The following ANKRD12 variants were observed in gnomAD, a reference collection of about 807,000 sequenced individuals.
The protein encoded by ANKRD12 is ankyrin repeat domain 12, also known as ankyrin repeat domain-containing protein 12.
In ANKRD12, 85 loss-of-function variants were observed where a neutral mutation model predicts 183.4. That is an observed-to-expected ratio of 0.46 (90% CI 0.39 to 0.56). ANKRD12 has a LOEUF of 0.56. Ranked by LOEUF, ANKRD12 falls within the 20% of genes least tolerant of loss-of-function variation. The pLI, the probability that ANKRD12 is intolerant of heterozygous loss-of-function variation, is 0.00. For synonymous variants in ANKRD12, 914 were observed against 800.2 expected (o/e 1.14, Z -2.40); for missense variants, 2,405 against 2,357.1 (o/e 1.02, Z -0.42).
At chr18:9,201,871 A>G (rs1464596574) in intron 3 of ANKRD12, among the ~76,000 whole-genome samples, 1 of 150,166 alleles carries the variant, frequency 6.7e-6, no homozygotes, top group Non-Finnish European at 1.5e-5. Flanking sequence ...TCTTTCACCC[A>G]GGCTGGAGTG....
intron 10 of ANKRD12, among the ~76,000 whole-genome samples, chr18:9,265,168 C>T (rs1400786245): frequency 6.6e-6 from 1 of 152,258 alleles, no homozygotes; most frequent in East Asian, 1.9e-4. Flanking sequence ...TCAAGGAGGC[C>T]TGCCTGCCTC....
intron 7 of ANKRD12, among the ~76,000 whole-genome samples, chr18:9,218,865 T>A (rs536291278): frequency 6.6e-6 from 1 of 152,078 alleles, no homozygotes; most frequent in South Asian, 2.1e-4. Flanking sequence ...GACCCTGTGT[T>A]GTTCAGGCTG....
At chr18:9,198,912 A>G (rs532137105) in intron 3 of ANKRD12, among the ~76,000 whole-genome samples, 6 of 152,280 alleles carry the variant, frequency 3.9e-5, no homozygotes, top group African/African-American at 1.4e-4. Context: ...TATAATAGCA[A>G]AAAAATCAGG....
Position 9,189,676 on chromosome 18 carries a change from G to A in ANKRD12, c.88-5875G>A, listed in dbSNP as rs1384048567. Among the ~76,000 whole-genome samples the A allele has an allele frequency of 2.0e-5, 3 of 152,158 alleles. No individual in the cohort carries two copies. In the East Asian group the frequency reaches 5.8e-4, roughly 29 times the overall value. ...ATAAGAATTACGTGAAATTTACTCT[G>A]CCTGTACCTTATCAATGGAAAAACA... On this transcript the variant is annotated intron_variant, in intron 2 of 12. Coordinates refer to ENST00000262126, the MANE Select transcript of ANKRD12 (RefSeq NM_015208.5).
chr18:9,206,329 GTAT>G (rs1327038657), intron 4 of ANKRD12, among the ~76,000 whole-genome samples: 1 of 151,994 alleles, frequency 6.6e-6, no homozygotes, highest in Non-Finnish European at 1.5e-5. Context: ...AACTTTTTAA[GTAT>G]TATTTAATCA....
chr18:9,265,233 T>C (rs926447634), intron 10 of ANKRD12, among the ~76,000 whole-genome samples: 3 of 152,242 alleles, frequency 2.0e-5, no homozygotes, highest in African/African-American at 7.2e-5. Context: ...AGCAGAATTC[T>C]CTGCAGACTT....
intron 10 of ANKRD12, among the ~76,000 whole-genome samples, chr18:9,270,642 G>T (rs2039550381): frequency 6.6e-6 from 1 of 152,170 alleles, no homozygotes; most frequent in South Asian, 2.1e-4. Flanking sequence ...GGGAGGGATA[G>T]CATTAGGAGA....
chr18:9,262,815 T>A (rs2039056794), intron 9 of ANKRD12, among the ~76,000 whole-genome samples: 2 of 139,134 alleles, frequency 1.4e-5, no homozygotes, highest in African/African-American at 5.6e-5. Context: ...TTTTTTTTTT[T>A]TGAGACAGAG....
chr18:9,233,381 A>G (rs2037164415), intron 8 of ANKRD12, among the ~76,000 whole-genome samples: 1 of 151,828 alleles, frequency 6.6e-6, no homozygotes, highest in Non-Finnish European at 1.5e-5. Flanking sequence ...GAGATTCCTT[A>G]GTATCATAGT....
At chr18:9,194,532 A>AT (rs1391779168) in intron 2 of ANKRD12, among the ~76,000 whole-genome samples, 2 of 151,604 alleles carry the variant, frequency 1.3e-5, no homozygotes, top group African/African-American at 4.8e-5. Flanking sequence ...AATTTTTTGT[A>AT]TTTTTGTAGA....
chr18:9,225,075 A>C (rs1430809798), intron 8 of ANKRD12, among the ~76,000 whole-genome samples: 1 of 152,078 alleles, frequency 6.6e-6, no homozygotes, highest in Non-Finnish European at 1.5e-5. Flanking sequence ...CTCTTCAGTA[A>C]TTAAGAGAGA....
At chr18:9,169,201 G>A (rs1476993408) in intron 1 of ANKRD12, among the ~76,000 whole-genome samples, 3 of 152,130 alleles carry the variant, frequency 2.0e-5, no homozygotes, top group Non-Finnish European at 1.5e-5. Flanking sequence ...GTTGATTTGG[G>A]GTGGAGAGTT....
chr18:9,244,273 CT>C (rs1567957750), intron 8 of ANKRD12, among the ~76,000 whole-genome samples: 1 of 152,184 alleles, frequency 6.6e-6, no homozygotes, highest in African/African-American at 2.4e-5. Context: ...CTTGGATATA[CT>C]TTCTATTCTT....
intron 1 of ANKRD12, among the ~76,000 whole-genome samples, chr18:9,163,502 T>C (rs892822706): frequency 1.3e-5 from 2 of 152,236 alleles, no homozygotes; most frequent in Admixed American, 6.5e-5. Context: ...TAGGATTGTC[T>C]TGGCTATACG....
intron 10 of ANKRD12, among the ~76,000 whole-genome samples, chr18:9,270,449 G>T (rs1288367709): frequency 6.6e-6 from 1 of 152,186 alleles, no homozygotes; most frequent in Non-Finnish European, 1.5e-5. Flanking sequence ...AAAATGATGA[G>T]TTTATGTCCT....
chr18:9,159,785 A>G (rs1277166372), intron 1 of ANKRD12, among the ~76,000 whole-genome samples: 1 of 146,900 alleles, frequency 6.8e-6, no homozygotes, highest in African/African-American at 2.5e-5. Flanking sequence ...TTCTTTATAC[A>G]TGTATAGTAG....
intron 7 of ANKRD12, among the ~76,000 whole-genome samples, chr18:9,219,784 G>T (rs554581587): frequency 1.3e-5 from 2 of 150,924 alleles, no homozygotes; most frequent in Non-Finnish European, 2.9e-5. Flanking sequence ...CTTAGGAATC[G>T]ATAGTACCAA....
At chr18:9,164,162 A>G (rs539617584) in intron 1 of ANKRD12, among the ~76,000 whole-genome samples, 1 of 152,276 alleles carries the variant, frequency 6.6e-6, no homozygotes, top group East Asian at 1.9e-4. Flanking sequence ...TGGGTTTGTC[A>G]TATATGGCTG....
Position 9,256,121 on chromosome 18 carries a change from AAAG to A in ANKRD12, c.2857_2859del (p.Glu953del). The A allele has an allele frequency of 6.4e-7, 1 of 1,559,494 alleles. No homozygotes were observed. The highest frequency in any genetic ancestry group is 8.6e-7 in the Non-Finnish European group (1 of 1,162,864). On this transcript the variant is annotated inframe_deletion, in exon 9 of 13. Coordinates refer to ENST00000262126, the MANE Select transcript of ANKRD12 (RefSeq NM_015208.5). ...CAGTAAATCAGAAAAAGGCAAAAAT[AAAG>A]AAAAAGACAGGGAGCTAGATAAAAA...
Sources: allele counts gnomAD v4.1 joint callset (sites outside exome capture counted in the v4.1 genomes callset), GRCh38; gene constraint gnomAD v4.1.1; transcripts MANE v1.5; gene names NCBI Gene and HGNC (gene_info 2026-07-23, HGNC 2026-07-21).